SLC3A1: variants seen among roughly 807,000 people sequenced by gnomAD.
SLC3A1 encodes the protein amino acid transporter heavy chain SLC3A1.
A neutral mutation model predicts 60.3 loss-of-function variants in SLC3A1; 78 were observed. The ratio of observed to expected loss-of-function variants is 1.29; its 90% confidence interval spans 1.08 to 1.56. The LOEUF is 1.56. SLC3A1 is among the 40% of genes most tolerant of loss of function. The pLI, the probability that SLC3A1 is intolerant of heterozygous loss-of-function variation, is 0.00. For synonymous variants in SLC3A1, 392 were observed against 307.9 expected (o/e 1.27, Z -2.86); for missense variants, 1,172 against 858.9 (o/e 1.36, Z -4.56).
chr2:44,301,149 C>T (rs566764731), intron 6 of SLC3A1, 22 bp downstream of exon 6: 2 of 1,614,130 alleles, frequency 1.2e-6, no homozygotes, highest in East Asian at 2.2e-5. Context: ...CATATGCTCT[C>T]ATTTCTTCCC....
At chr2:44,280,947 T>C (rs762834035) in intron 2 of SLC3A1, 52 bp downstream of exon 2, 3 of 1,487,050 alleles carry the variant, frequency 2.0e-6, no homozygotes, top group African/African-American at 1.4e-5. Flanking sequence ...AGAGAAGCAC[T>C]TTTTCAAATG....
intron 4 of SLC3A1, among the ~76,000 whole-genome samples, chr2:44,294,659 C>T (rs569430299): frequency 9.9e-5 from 15 of 152,134 alleles, no homozygotes; most frequent in Non-Finnish European, 2.1e-4. Flanking sequence ...AGCGAGAGAG[C>T]TGGGTTGTAC....
At chr2:44,290,873 T>C (rs1671726670) in intron 4 of SLC3A1, among the ~76,000 whole-genome samples, 1 of 152,128 alleles carries the variant, frequency 6.6e-6, no homozygotes, top group African/African-American at 2.4e-5. Flanking sequence ...TAAACTTCTC[T>C]GGTAGCCTGT....
chr2:44,301,234 C>G, intron 6 of SLC3A1, 107 bp downstream of exon 6: 1 of 1,365,784 alleles, frequency 7.3e-7, no homozygotes, highest in East Asian at 2.4e-5. Flanking sequence ...ATGTAACAAG[C>G]CTGCATAACT....
In SLC3A1 at chr2:44,305,427, CTTTTTT is replaced by C. The variant is rs139686441; in HGVS notation, c.1332+1103_1332+1108del. ...ATAAAAGACAACCTTTCTTTTCTTA[CTTTTTT>C]TTTTTTTTTTTTTGAGACGGAGCCT... On this transcript the variant is annotated intron_variant, in intron 7 of 9. Coordinates refer to ENST00000260649, the MANE Select transcript of SLC3A1 (RefSeq NM_000341.4). Among the ~76,000 whole-genome samples, 46 of 115,880 alleles carry C rather than the reference CTTTTTT, an allele frequency of 4.0e-4. 1 individual carries two copies. The South Asian group carries it at 9.8e-3, about 25-fold the overall frequency. The allele number at this position is 115,880 out of a possible 152,430, so 76.0% of individuals were successfully genotyped here. A position where few individuals can be genotyped will look rare whatever the true frequency, so the allele number is the denominator to read the frequency against.
chr2:44,278,565 T>TAA (rs1180853785), intron 1 of SLC3A1, among the ~76,000 whole-genome samples: 2 of 152,184 alleles, frequency 1.3e-5, no homozygotes, highest in African/African-American at 2.4e-5. Context: ...TTAGTGACCT[T>TAA]CAGCCTGCGG....
At chr2:44,322,101 G>C (rs936095188), downstream of SLC3A1, among the ~76,000 whole-genome samples, 1 of 152,158 alleles carries the variant, frequency 6.6e-6, no homozygotes, top group Non-Finnish European at 1.5e-5. Flanking sequence ...AAAGCAGGAA[G>C]AGGCCGTATG....
chr2:44,319,950 C>T lies in SLC3A1; in HGVS notation c.1618-249C>T, dbSNP rs1473143434. The T allele has an allele frequency of 4.9e-5, 23 of 473,390 alleles. 1 individual carries two copies. In the South Asian group the frequency reaches 4.9e-4, roughly 10 times the overall value. 29.3% of individuals were successfully genotyped at this position (473,390 alleles called of 1,614,324 possible). A position where few individuals can be genotyped will look rare whatever the true frequency, so the allele number is the denominator to read the frequency against. Reference sequence around the variant, plus strand: ...GAGTCAAATTTGATCTCTACAGAAACTCTACAATGTAGCAGAGCACTGTGC... The same window carrying T: ...GAGTCAAATTTGATCTCTACAGAAATTCTACAATGTAGCAGAGCACTGTGC... On this transcript the variant is annotated intron_variant, in intron 9 of 9. Coordinates refer to ENST00000260649, the MANE Select transcript of SLC3A1 (RefSeq NM_000341.4).
At chr2:44,284,262 T>C (rs1196257118) in intron 3 of SLC3A1, among the ~76,000 whole-genome samples, 1 of 152,140 alleles carries the variant, frequency 6.6e-6, no homozygotes, top group African/African-American at 2.4e-5. Context: ...GTATCTTTAG[T>C]AGAGACAGGG....
At chr2:44,294,006 A>T (rs1671794468) in intron 4 of SLC3A1, among the ~76,000 whole-genome samples, 2 of 152,222 alleles carry the variant, frequency 1.3e-5, no homozygotes, top group African/African-American at 2.4e-5. Flanking sequence ...TAAATTGGTA[A>T]GTAAATAAAT....
At chr2:44,293,454 T>C (rs541803204) in intron 4 of SLC3A1, among the ~76,000 whole-genome samples, 72 of 151,518 alleles carry the variant, frequency 4.8e-4, no homozygotes, top group African/African-American at 1.7e-3. Context: ...GAGGCAGAGG[T>C]TGCAGTGAGC....
At chr2:44,278,426 C>T (rs898619677) in intron 1 of SLC3A1, among the ~76,000 whole-genome samples, 5 of 151,354 alleles carry the variant, frequency 3.3e-5, no homozygotes, top group African/African-American at 4.9e-5. Context: ...CCAGCCTGGG[C>T]GACAGAGCGA....
chr2:44,297,306 G>T (rs972112377), intron 4 of SLC3A1, among the ~76,000 whole-genome samples: 3 of 152,242 alleles, frequency 2.0e-5, no homozygotes, highest in African/African-American at 7.2e-5. Context: ...GAGGCTGGCT[G>T]TGGGGTTGAG....
Position 44,320,332 on chromosome 2 carries a change from G to C in SLC3A1, c.1751G>C (p.Arg584Thr), listed in dbSNP as rs759696513. 4 of 1,614,142 alleles carry C rather than the reference G, an allele frequency of 2.5e-6. No homozygotes were observed. Among genetic ancestry groups the C allele is most frequent in the African/African-American group, 1.3e-5 (1 of 75,052 alleles). ...GACAGCCACTATGTTGTGTACACAA[G>C]AGAGCTGGATGGCATCGACAGAATC... ...RNDSHYVVYT[R>T]ELDGIDRIFI... Residue 584 changes from arginine to threonine, a missense_variant, in exon 10 of 10, where the codon AGA becomes ACA. Physicochemically the swap from Arg to Thr is moderately conservative, Grantham distance 71. Coordinates refer to ENST00000260649, the MANE Select transcript of SLC3A1 (RefSeq NM_000341.4).
chr2:44,313,391 GC>G lies in SLC3A1; in HGVS notation c.1501-443del, dbSNP rs1173519955. On this transcript the variant is annotated intron_variant, in intron 8 of 9. Transcript: ENST00000260649. ...AGGTGAAGCTTTTTTCCCTCTATCA[GC>G]TCCTACATTTGTGTGTGTGCACTCA... Among the ~76,000 whole-genome samples the G allele has an allele frequency of 3.9e-5, 6 of 152,182 alleles. No individual in the cohort carries two copies. In the South Asian group the frequency reaches 1.2e-3, roughly 32 times the overall value.
chr2:44,316,805 G>T (rs1672477044), intron 9 of SLC3A1, among the ~76,000 whole-genome samples: 1 of 152,174 alleles, frequency 6.6e-6, no homozygotes, highest in South Asian at 2.1e-4. Context: ...GAGCAAAACA[G>T]AGATGGAAAA....
intron 4 of SLC3A1, among the ~76,000 whole-genome samples, chr2:44,298,064 TAA>T (rs1671900443): frequency 6.6e-6 from 1 of 152,232 alleles, no homozygotes; most frequent in Admixed American, 6.5e-5. Context: ...TGCGTGGACA[TAA>T]GTTTTCATTT....
At chr2:44,287,227 G>T (rs905720928) in intron 4 of SLC3A1, among the ~76,000 whole-genome samples, 1 of 152,082 alleles carries the variant, frequency 6.6e-6, no homozygotes, top group Non-Finnish European at 1.5e-5. Flanking sequence ...CCAAGGGGAA[G>T]GGGCATCGGA....
At chr2:44,279,642 A>C (rs1031053872) in intron 1 of SLC3A1, among the ~76,000 whole-genome samples, 2 of 151,894 alleles carry the variant, frequency 1.3e-5, no homozygotes, top group Non-Finnish European at 2.9e-5. Flanking sequence ...AGGAAAAAAG[A>C]AGCAGGTGAA....
Sources: allele counts gnomAD v4.1 joint callset (sites outside exome capture counted in the v4.1 genomes callset), GRCh38; gene constraint gnomAD v4.1.1; transcripts MANE v1.5; gene names NCBI Gene and HGNC (gene_info 2026-07-23, HGNC 2026-07-21).